YOD1: variants seen among roughly 807,000 people sequenced by gnomAD.
YOD1 encodes YOD1 deubiquitinase, also known as ubiquitin thioesterase OTU1.
In YOD1, 17 loss-of-function variants were observed where a neutral mutation model predicts 23.7. That is an observed-to-expected ratio of 0.72 (90% CI 0.49 to 1.07). The LOEUF is 1.07. YOD1 is among the 50% of genes least tolerant of loss of function. YOD1 has a pLI of 0.00. For synonymous variants in YOD1, 191 were observed against 169.6 expected, an observed-to-expected ratio of 1.13 and a Z score of -0.98; for missense variants, 413 against 447.2, an observed-to-expected ratio of 0.92 and a Z score of 0.69.
Position 207,049,426 on chromosome 1 carries a change from T to C in YOD1, c.641A>G (p.Lys214Arg), listed in dbSNP as rs1302914945. The C allele has an allele frequency of 6.2e-7, 1 of 1,614,228 alleles. No homozygotes were observed. Among genetic ancestry groups the C allele is most frequent in the Non-Finnish European group, 8.5e-7 (1 of 1,180,026 alleles). ...TGCTCCTCCCCAAGTGTCATCCCTT[T>C]TGATCCAGTCACAGTACTCTTGATT... ...KTNQEYCDWI[K>R]RDDTWGGAIE... The change falls in exon 2 of 2, where the codon AAA becomes AGA. Residue 214 changes from lysine (K) to arginine (R), a missense_variant. Transcript: ENST00000315927.
upstream of YOD1, among the ~76,000 whole-genome samples, chr1:207,051,926 C>G (rs1170752759): frequency 6.6e-6 from 1 of 152,240 alleles, no homozygotes; most frequent in Non-Finnish European, 1.5e-5. Flanking sequence ...GCAACTAGAG[C>G]ACTCTGGGAG....
Position 207,043,978 on chromosome 1 carries a change from A to T in YOD1, c.*5042T>A, listed in dbSNP as rs1009752129. 1 of 152,642 alleles carries T rather than the reference A, an allele frequency of 6.6e-6. No individual in the cohort carries two copies. Among genetic ancestry groups the T allele is most frequent in the African/African-American group, 2.4e-5 (1 of 41,474 alleles). The allele number at this position is 152,642 out of a possible 1,614,324, so 9.5% of individuals were successfully genotyped here. A position where few individuals can be genotyped will look rare whatever the true frequency, so the allele number is the denominator to read the frequency against. On this transcript the variant is annotated 3_prime_UTR_variant, in exon 2 of 2. Coordinates refer to ENST00000315927, the MANE Select transcript of YOD1 (RefSeq NM_018566.4). Reference sequence around the variant, plus strand: ...TGGCAAAATCACATAAGAGTTGTAGAAAATGAAGTTAGACATCTTCCAGGT... The same window carrying T: ...TGGCAAAATCACATAAGAGTTGTAGTAAATGAAGTTAGACATCTTCCAGGT...
upstream of YOD1, among the ~76,000 whole-genome samples, chr1:207,051,953 AGAG>A (rs544540656): frequency 5.1e-3 from 780 of 152,382 alleles, 7 homozygotes; most frequent in African/African-American, 0.017. Flanking sequence ...AAAGCCTTAA[AGAG>A]GAGATAACTG....
At chr1:207,049,907 G>C (rs1682694716) in intron 1 of YOD1, among the ~76,000 whole-genome samples, 184 bp from the exon 2 acceptor site, 1 of 152,140 alleles carries the variant, frequency 6.6e-6, no homozygotes, top group Admixed American at 6.5e-5. Flanking sequence ...TCATAAAGAT[G>C]AAAAAAGAAC....
rs1400978935 is a variant in YOD1, at chr1:207,049,693, G to C, written c.374C>G (p.Thr125Ser). 3 of 1,613,992 alleles carry C rather than the reference G, an allele frequency of 1.9e-6. 1 individual carries two copies. The South Asian group carries it at 3.3e-5, about 18-fold the overall frequency. ...AAATGCAGGTGAACTTCTGGGCCTG[G>C]TTTGGTCTTCTTCAATGATCAGCAT... ...GDMLIIEEDQ[T>S]RPRSSPAFTK... The change falls in exon 2 of 2, where the codon ACC (threonine) becomes AGC (serine). Residue 125 changes from threonine (T) to serine (S), a missense_variant. Thr to Ser is a moderately conservative substitution (Grantham distance 58, BLOSUM62 1). Coordinates refer to ENST00000315927, the MANE Select transcript of YOD1 (RefSeq NM_018566.4).
chr1:207,050,787 T>C lies in YOD1; in HGVS notation c.244A>G (p.Ile82Val), dbSNP rs1370554704. Reference sequence around the variant, plus strand: ...AGGATTCGCTGACCGCCGGGGGCGATCCCGGTGATGGCGGCAATTTGGCCC... The same window carrying C: ...AGGATTCGCTGACCGCCGGGGGCGACCCCGGTGATGGCGGCAATTTGGCCC... ...LQGQIAAITG[I>V]APGGQRILVG... Residue 82 changes from isoleucine (I) to valine (V), a missense_variant, in exon 1 of 2, where the codon ATC becomes GTC. Coordinates refer to ENST00000315927, the MANE Select transcript of YOD1 (RefSeq NM_018566.4). 1 of 1,613,296 alleles carries C rather than the reference T, an allele frequency of 6.2e-7. No individual in the cohort carries two copies. The highest frequency in any genetic ancestry group is 1.3e-5 in the African/African-American group (1 of 74,926).
chr1:207,051,085 C>A lies in YOD1; in HGVS notation c.-55G>T, dbSNP rs891298541. The A allele has an allele frequency of 4.2e-6, 6 of 1,443,932 alleles. No individual in the cohort carries two copies. In the African/African-American group the frequency reaches 8.6e-5, roughly 21 times the overall value. 89.4% of individuals were successfully genotyped at this position (1,443,932 alleles called of 1,614,324 possible). On this transcript the variant is annotated 5_prime_UTR_variant, in exon 1 of 2. In the 5' UTR this introduces an upstream ATG that the reference lacks. Coordinates refer to ENST00000315927, the MANE Select transcript of YOD1 (RefSeq NM_018566.4). ...CGCGACGCTTCGGTGCGGCTTCTGC[C>A]TTAGTACCTTAGCAAGCGCGAACTC... is the stretch of plus-strand genomic sequence containing the variant.
Position 207,048,783 on chromosome 1 carries a change from C to T in YOD1, c.*237G>A. 2.1e-6 allele frequency: 1 copy of T among 477,578 alleles called. No homozygotes were observed. Among genetic ancestry groups the T allele is most frequent in the Non-Finnish European group, 3.7e-6 (1 of 267,434 alleles). 29.6% of individuals were successfully genotyped at this position (477,578 alleles called of 1,614,324 possible). A position where few individuals can be genotyped will look rare whatever the true frequency, so the allele number is the denominator to read the frequency against. On this transcript the variant is annotated 3_prime_UTR_variant, in exon 2 of 2. Coordinates refer to ENST00000315927, the MANE Select transcript of YOD1 (RefSeq NM_018566.4). ...CAGTAGGTGGCAAGGATCACCTATTCTGTCACTCCAGCAGAAAGAGGCATG... is the reference window on the plus strand; with the variant it reads ...CAGTAGGTGGCAAGGATCACCTATTTTGTCACTCCAGCAGAAAGAGGCATG...
chr1:207,051,033 C>G lies in YOD1; in HGVS notation c.-3G>C, dbSNP rs1351187747. On this transcript the variant is annotated 5_prime_UTR_variant, in exon 1 of 2. Coordinates refer to ENST00000315927, the MANE Select transcript of YOD1 (RefSeq NM_018566.4). ...CGACCTTTAGCGGGGCCAAACATCG[C>G]GAGAAGTTGCGGGTGGTTGCAGTTA... 1 of 1,498,130 alleles carries G rather than the reference C, an allele frequency of 6.7e-7. No homozygotes were observed. Among genetic ancestry groups the G allele is most frequent in the African/African-American group, 1.4e-5 (1 of 71,208 alleles). The allele number at this position is 1,498,130 out of a possible 1,614,324, so 92.8% of individuals were successfully genotyped here.
At position 207,045,932 on chromosome 1, in the gene YOD1, T is replaced by G. The variant is rs1337989904; in HGVS notation, c.*3088A>C. On this transcript the variant is annotated 3_prime_UTR_variant, in exon 2 of 2. Coordinates refer to ENST00000315927, the MANE Select transcript of YOD1 (RefSeq NM_018566.4). ...CAAGGGTACCACTTGACTATGCTAA[T>G]TTCATGGGAAACAATGAAGAAATCA... 1 of 152,090 alleles carries G rather than the reference T, an allele frequency of 6.6e-6. No individual in the cohort carries two copies. The highest frequency in any genetic ancestry group is 1.5e-5 in the Non-Finnish European group (1 of 67,934). The allele number at this position is 152,090 out of a possible 1,614,324, so 9.4% of individuals were successfully genotyped here.
chr1:207,050,857 A>C lies in YOD1; in HGVS notation c.174T>G (p.His58Gln), dbSNP rs1415284430. ...TCCGGCTGGACAGCCCCTGCAAAACATGGGTGCCGTCCTTGGCCTTGCAGC... is the reference window on the plus strand; with the variant it reads ...TCCGGCTGGACAGCCCCTGCAAAACCTGGGTGCCGTCCTTGGCCTTGCAGC... Reference protein sequence around the residue: ...RLRCKAKDGTHVLQGLSSRTR... With the variant: ...RLRCKAKDGTQVLQGLSSRTR... The change falls in exon 1 of 2, where the codon CAT becomes CAG. Residue 58 changes from histidine to glutamine, a missense_variant. Physicochemically the swap from His to Gln is conservative, Grantham distance 24. Transcript: ENST00000315927. 6.2e-7 allele frequency: 1 copy of C among 1,612,604 alleles called. No homozygotes were observed.
rs891505709 is a variant in YOD1, at chr1:207,044,677, T to C, written c.*4343A>G. ...TCACCTATGGCCATGCTACATTCTATGACAAGAAATGGGGAAGAAGGGTTG... is the reference window on the plus strand; with the variant it reads ...TCACCTATGGCCATGCTACATTCTACGACAAGAAATGGGGAAGAAGGGTTG... On this transcript the variant is annotated 3_prime_UTR_variant, in exon 2 of 2. Coordinates refer to ENST00000315927, the MANE Select transcript of YOD1 (RefSeq NM_018566.4). 6.6e-6 allele frequency: 1 copy of C among 152,376 alleles called. No homozygotes were observed. The highest frequency in any genetic ancestry group is 1.5e-5 in the Non-Finnish European group (1 of 67,954). The allele number at this position is 152,376 out of a possible 1,614,324, so 9.4% of individuals were successfully genotyped here. A position where few individuals can be genotyped will look rare whatever the true frequency, so the allele number is the denominator to read the frequency against.
rs772256355 is a variant in YOD1 at position 207,050,748 on chromosome 1, G to T, written c.283C>A (p.Pro95Thr). 1 of 1,613,302 alleles carries T rather than the reference G, an allele frequency of 6.2e-7. No individual in the cohort carries two copies. The change falls in exon 1 of 2, where the codon CCC (proline) becomes ACC (threonine). Residue 95 changes from proline to threonine, a missense_variant. By Grantham distance (38) the Pro-to-Thr change is conservative. Coordinates refer to ENST00000315927, the MANE Select transcript of YOD1 (RefSeq NM_018566.4). ...CCATTGCTGAGATCCAGGCACTCGG[G>T]AGGGTATCCGACGAGGATTCGCTGA... is the stretch of plus-strand genomic sequence containing the variant. ...GGQRILVGYP[P>T]ECLDLSNGDT...
chr1:207,050,364 C>A (rs1224382323), intron 1 of YOD1, among the ~76,000 whole-genome samples: 3 of 152,030 alleles, frequency 2.0e-5, no homozygotes, highest in African/African-American at 4.8e-5. Flanking sequence ...GACATAAGGA[C>A]AGAGAAAATA....
rs147748093 is a variant in YOD1 at position 207,049,475 on chromosome 1, T to C, written c.592A>G (p.Ser198Gly). The C allele has an allele frequency of 1.4e-5, 22 of 1,614,120 alleles. No homozygotes were observed. Among genetic ancestry groups the C allele is most frequent in the Non-Finnish European group, 1.9e-5 (22 of 1,180,044 alleles). Residue 198 changes from serine to glycine, a missense_variant, in exon 2 of 2, where the codon AGT becomes GGT. By Grantham distance (56) the Ser-to-Gly change is moderately conservative. Transcript: ENST00000315927. ...TTTGTTTTTCCCAGTATTGCCTCAC[T>C]ATAGAAGTCTGGATCGCTTGCTACA... ...QIVASDPDFY[S>G]EAILGKTNQE...
Position 207,051,038 on chromosome 1 carries a change from AGTTGCGGGTG to A in YOD1, c.-18_-9del, listed in dbSNP as rs1462129028. 1 of 1,495,656 alleles carries A rather than the reference AGTTGCGGGTG, an allele frequency of 6.7e-7. No homozygotes were observed. The highest frequency in any genetic ancestry group is 2.5e-5 in the East Asian group (1 of 40,184). 92.6% of individuals were successfully genotyped at this position (1,495,656 alleles called of 1,614,324 possible). ...TTTAGCGGGGCCAAACATCGCGAGA[AGTTGCGGGTG>A]GTTGCAGTTATCGCGACGCTTCGGT... On this transcript the variant is annotated 5_prime_UTR_variant, in exon 1 of 2. Transcript: ENST00000315927.
At position 207,048,022 on chromosome 1, in the gene YOD1, T is replaced by C. The variant is rs1416627038; in HGVS notation, c.*998A>G. On this transcript the variant is annotated 3_prime_UTR_variant, in exon 2 of 2. Transcript: ENST00000315927. ...GAGCATTATTACTTGAAAAAAATTTTTTGGAGGAAGTGCTCTTAACAAAAA... is the reference window on the plus strand; with the variant it reads ...GAGCATTATTACTTGAAAAAAATTTCTTGGAGGAAGTGCTCTTAACAAAAA... 6.6e-6 allele frequency: 1 copy of C among 152,390 alleles called. No individual in the cohort carries two copies. The highest frequency in any genetic ancestry group is 1.5e-5 in the Non-Finnish European group (1 of 68,004). 9.4% of individuals were successfully genotyped at this position (152,390 alleles called of 1,614,324 possible).
Position 207,048,691 on chromosome 1 carries a change from T to G in YOD1, c.*329A>C, listed in dbSNP as rs113202550. 3 of 241,456 alleles carry G rather than the reference T, an allele frequency of 1.2e-5. No individual in the cohort carries two copies. Among genetic ancestry groups the G allele is most frequent in the African/African-American group, 2.3e-5 (1 of 43,902 alleles). 15.0% of individuals were successfully genotyped at this position (241,456 alleles called of 1,614,324 possible). A position where few individuals can be genotyped will look rare whatever the true frequency, so the allele number is the denominator to read the frequency against. ...TCCACATTACCCAAAATGTGATGCT[T>G]TCTTCTACAAGTTAAAGCTGCTGGG... On this transcript the variant is annotated 3_prime_UTR_variant, in exon 2 of 2. Coordinates refer to ENST00000315927, the MANE Select transcript of YOD1 (RefSeq NM_018566.4).
rs1479488400 is a variant in YOD1, at chr1:207,049,620, A to G, written c.447T>C (p.Leu149=). The stretch of plus-strand genomic sequence containing the variant: ...TGTCTGCTGGGACCACGGTTCTGGT[A>G]AGCACAGGCAAAGTTTCCCTGACGT... ...SSYVRETLPV[L]TRTVVPADNS... Residue 149 remains leucine (L), a synonymous_variant, in exon 2 of 2, where the codon CTT becomes CTC. Transcript: ENST00000315927. 6.2e-7 allele frequency: 1 copy of G among 1,614,208 alleles called. No individual in the cohort carries two copies. The highest frequency in any genetic ancestry group is 2.2e-5 in the East Asian group (1 of 44,888).
Sources: allele counts gnomAD v4.1 joint callset (sites outside exome capture counted in the v4.1 genomes callset), GRCh38; gene constraint gnomAD v4.1.1; transcripts MANE v1.5; gene names NCBI Gene and HGNC (gene_info 2026-07-23, HGNC 2026-07-21).